DENND1A: variants seen among roughly 807,000 people sequenced by gnomAD.
DENND1A encodes DENN domain containing 1A.
Under a neutral mutation model 113.7 loss-of-function variants are expected in DENND1A, and 51 were observed. That is an observed-to-expected ratio of 0.45 (90% confidence interval 0.36 to 0.57). The LOEUF (loss-of-function observed/expected upper bound fraction) is 0.57, where lower values mean the gene tolerates loss of function less well. Ranked by LOEUF, DENND1A falls within the 20% of genes least tolerant of loss-of-function variation. DENND1A has a pLI of 0.00. For synonymous variants in DENND1A, 565 were observed against 570.8 expected (o/e 0.99, Z 0.14); for missense variants, 1,258 against 1,395.9 (o/e 0.90, Z 1.57).
At chr9:123,466,183 G>A (rs893937203) in intron 13 of DENND1A, among the ~76,000 whole-genome samples, 8 of 151,878 alleles carry the variant, frequency 5.3e-5, no homozygotes, top group Admixed American at 6.6e-5. Flanking sequence ...ATTTTCAGTA[G>A]AGGTGAGGTT....
intron 5 of DENND1A, among the ~76,000 whole-genome samples, chr9:123,731,491 C>T (rs529823926): frequency 8.5e-5 from 13 of 152,266 alleles, no homozygotes; most frequent in Admixed American, 5.2e-4. Context: ...GGTGCTGGAA[C>T]AACTAGATGC....
intron 13 of DENND1A, among the ~76,000 whole-genome samples, chr9:123,508,548 T>C (rs1025829213): frequency 2.0e-5 from 3 of 152,222 alleles, no homozygotes; most frequent in Admixed American, 2.0e-4. Flanking sequence ...CATGATCTTT[T>C]GACAAATAAA....
At chr9:123,757,586 T>C in intron 5 of DENND1A, 117 bp downstream of exon 5, 1 of 1,446,764 alleles carries the variant, frequency 6.9e-7, no homozygotes, top group South Asian at 1.3e-5. Flanking sequence ...TGCAGTGACT[T>C]GTGGGAAACA....
intron 1 of DENND1A, among the ~76,000 whole-genome samples, chr9:123,910,373 G>A (rs1025780417): frequency 2.6e-5 from 4 of 152,182 alleles, no homozygotes; most frequent in Admixed American, 1.3e-4. Context: ...GAAAAGAATC[G>A]TCTTGATAAA....
chr9:123,621,111 AT>A, intron 10 of DENND1A, among the ~76,000 whole-genome samples: 1 of 152,126 alleles, frequency 6.6e-6, no homozygotes, highest in East Asian at 1.9e-4. Context: ...ACAACTATCC[AT>A]CTAATCCACT....
intron 5 of DENND1A, among the ~76,000 whole-genome samples, chr9:123,693,842 A>ATTAT (rs1283779925): frequency 7.1e-6 from 1 of 141,192 alleles, no homozygotes; most frequent in African/African-American, 2.6e-5. Context: ...TATTATTATT[A>ATTAT]TTTTGAGACA....
chr9:123,544,424 T>C (rs547015253), intron 13 of DENND1A, among the ~76,000 whole-genome samples: 1 of 152,246 alleles, frequency 6.6e-6, no homozygotes, highest in Non-Finnish European at 1.5e-5. Flanking sequence ...TTGTATAGAT[T>C]AGAGAAATTG....
chr9:123,616,580 A>G lies in DENND1A; in HGVS notation c.720-7099T>C, dbSNP rs116180504. On this transcript the variant is annotated intron_variant, in intron 10 of 23. Transcript: ENST00000394215. ...GAAATAGGAGCTAAGGGGAAAAAAAAAGGAAGCTGTGGCAAGGTTAGTGTT... is the reference window on the plus strand; with the variant it reads ...GAAATAGGAGCTAAGGGGAAAAAAAGAGGAAGCTGTGGCAAGGTTAGTGTT... Among the ~76,000 whole-genome samples the G allele has an allele frequency of 7.6e-3, 1,155 of 152,346 alleles. 14 individuals are homozygous for G. The highest frequency in any genetic ancestry group is 0.026 in the African/African-American group (1,064 of 41,572).
rs1486326513 is a variant in DENND1A at position 123,439,699 on chromosome 9, T to G, written c.1488+661A>C. The G allele has an allele frequency of 2.0e-5, 3 of 152,180 alleles. No homozygotes were observed. In the East Asian group the frequency reaches 5.8e-4, roughly 29 times the overall value. 9.4% of individuals were successfully genotyped at this position (152,180 alleles called of 1,614,324 possible). On this transcript the variant is annotated intron_variant, in intron 19 of 23. Coordinates refer to ENST00000394215, the MANE Select transcript of DENND1A (RefSeq NM_001352964.2). ...ATGACTTTCGCTAACCAAAAGTCAATTCAGGACAGGTAGGAAAGGGTACAT... is the reference window on the plus strand; with the variant it reads ...ATGACTTTCGCTAACCAAAAGTCAAGTCAGGACAGGTAGGAAAGGGTACAT...
At chr9:123,528,877 C>G (rs1395192360) in intron 13 of DENND1A, among the ~76,000 whole-genome samples, 3 of 152,202 alleles carry the variant, frequency 2.0e-5, no homozygotes, top group South Asian at 4.1e-4. Context: ...TTTACCCATG[C>G]CATTCCCTCT....
intron 2 of DENND1A, among the ~76,000 whole-genome samples, chr9:123,870,336 C>T (rs1004227369): frequency 1.3e-5 from 2 of 149,470 alleles, no homozygotes; most frequent in African/African-American, 2.5e-5. Context: ...GTGATGTGAT[C>T]GCGGCTCACT....
At chr9:123,513,045 G>A (rs2053585294) in intron 13 of DENND1A, among the ~76,000 whole-genome samples, 1 of 152,218 alleles carries the variant, frequency 6.6e-6, no homozygotes, top group Non-Finnish European at 1.5e-5. Context: ...CTCTGAATAT[G>A]CTATAGGAAT....
chr9:123,404,080 C>T (rs535461492), intron 20 of DENND1A, among the ~76,000 whole-genome samples: 3 of 152,280 alleles, frequency 2.0e-5, no homozygotes, highest in African/African-American at 7.2e-5. Context: ...CTGGATGCTG[C>T]CCATCTTGTG....
chr9:123,427,562 C>T (rs2045836757), intron 19 of DENND1A, among the ~76,000 whole-genome samples: 1 of 152,210 alleles, frequency 6.6e-6, no homozygotes, highest in Non-Finnish European at 1.5e-5. Flanking sequence ...GACCTTGACT[C>T]TCAGCCCTGC....
At chr9:123,385,155 T>C (rs971058678) in intron 22 of DENND1A, among the ~76,000 whole-genome samples, 2 of 152,020 alleles carry the variant, frequency 1.3e-5, no homozygotes, top group Admixed American at 1.3e-4. Flanking sequence ...GGGAAGTGCA[T>C]CTAGCCTTTT....
At chr9:123,609,670 C>T (rs182996441) in intron 10 of DENND1A, among the ~76,000 whole-genome samples, 189 bp from the exon 11 acceptor site, 17 of 152,236 alleles carry the variant, frequency 1.1e-4, no homozygotes, top group East Asian at 3.9e-4. Context: ...AATTTCAAAA[C>T]GTGGGCAGCA....
Position 123,544,645 on chromosome 9 carries a change from CT to C in DENND1A, c.993+12924del, listed in dbSNP as rs2056527232. Among the ~76,000 whole-genome samples, 6 of 152,310 alleles carry C rather than the reference CT, an allele frequency of 3.9e-5. No homozygotes were observed. In the South Asian group the frequency reaches 1.2e-3, roughly 32 times the overall value. ...TCAGTTTCTCATCAGTAAAATGGGG[CT>C]GTGCATGCTCTCCACAGGGGGGCTG... On this transcript the variant is annotated intron_variant, in intron 13 of 23. Coordinates refer to ENST00000394215, the MANE Select transcript of DENND1A (RefSeq NM_001352964.2).
At chr9:123,492,014 G>C (rs1372974169) in intron 13 of DENND1A, 1 of 152,280 alleles carries the variant, frequency 6.6e-6, no homozygotes, top group Admixed American at 6.5e-5. Flanking sequence ...CTCCTTCAGA[G>C]CAAGAGAGGA....
chr9:123,595,010 A>G (rs970484889), intron 11 of DENND1A, among the ~76,000 whole-genome samples: 25 of 152,234 alleles, frequency 1.6e-4, no homozygotes, highest in Admixed American at 1.5e-3. Context: ...CTCAGGCCCC[A>G]AAGGTCACCA....
Sources: allele counts gnomAD v4.1 joint callset (sites outside exome capture counted in the v4.1 genomes callset), GRCh38; gene constraint gnomAD v4.1.1; transcripts MANE v1.5; gene names NCBI Gene and HGNC (gene_info 2026-07-23, HGNC 2026-07-21).